The following GRM7 variants were observed in gnomAD, a reference collection of about 807,000 sequenced individuals.
GRM7 encodes the protein glutamate metabotropic receptor 7, also known as metabotropic glutamate receptor 7.
In GRM7, 35 loss-of-function variants were observed where a neutral mutation model predicts 84.5. That is an observed-to-expected ratio of 0.41 (90% CI 0.32 to 0.55). The LOEUF (loss-of-function observed/expected upper bound fraction) is 0.55. Among genes scored for constraint, GRM7 ranks in the 20% least tolerant of loss-of-function variants. The pLI is 0.19. For missense variants in GRM7, 1,003 were observed against 1,194.6 expected (o/e 0.84, Z 2.36); for synonymous variants, 487 against 455.1 (o/e 1.07, Z -0.89).
At chr3:7,403,753 A>G (rs1277350668) in intron 4 of GRM7, among the ~76,000 whole-genome samples, 3 of 150,634 alleles carry the variant, frequency 2.0e-5, no homozygotes, top group African/African-American at 7.3e-5. Context: ...ATGTGAATAT[A>G]TTTGTATATA....
intron 9 of GRM7, among the ~76,000 whole-genome samples, chr3:7,722,152 C>T (rs1701972285): frequency 6.6e-6 from 1 of 152,164 alleles, no homozygotes; most frequent in Non-Finnish European, 1.5e-5. Flanking sequence ...GGAAGGACCC[C>T]TTTCTGTCGA....
At chr3:7,467,500 C>A (rs189570990) in intron 7 of GRM7, among the ~76,000 whole-genome samples, 1 of 152,086 alleles carries the variant, frequency 6.6e-6, no homozygotes, top group Non-Finnish European at 1.5e-5. Flanking sequence ...GATGGGTACC[C>A]GTACTACGTC....
At chr3:7,721,978 T>C (rs329036) in intron 9 of GRM7, among the ~76,000 whole-genome samples, 108,888 of 152,132 alleles carry the variant, frequency 0.72, 39,738 homozygotes, top group East Asian at 0.89. Context: ...AGTGGAAATA[T>C]GTTGACAAAC....
At chr3:7,415,277 T>C in intron 5 of GRM7, 114 bp downstream of exon 5, 1 of 852,564 alleles carries the variant, frequency 1.2e-6, no homozygotes, top group Non-Finnish European at 1.9e-6. Context: ...GTAAATTAAA[T>C]TTTACTAGAT....
chr3:7,127,873 C>G (rs932364525), intron 1 of GRM7, among the ~76,000 whole-genome samples: 1 of 151,838 alleles, frequency 6.6e-6, no homozygotes, highest in Admixed American at 6.6e-5. Flanking sequence ...GATGTGAAGT[C>G]AAAGCTTTTT....
At chr3:7,460,309 C>T (rs923984064) in intron 6 of GRM7, among the ~76,000 whole-genome samples, 3 of 152,072 alleles carry the variant, frequency 2.0e-5, no homozygotes, top group African/African-American at 7.2e-5. Flanking sequence ...TTCAGCTCCC[C>T]AGACAAATGT....
At chr3:7,425,742 A>G (rs987587575) in intron 5 of GRM7, among the ~76,000 whole-genome samples, 1 of 152,208 alleles carries the variant, frequency 6.6e-6, no homozygotes, top group Admixed American at 6.5e-5. Flanking sequence ...GTTTATAATA[A>G]ATAGTTACAT....
At chr3:7,159,661 C>A (rs943003884) in intron 2 of GRM7, among the ~76,000 whole-genome samples, 2 of 152,104 alleles carry the variant, frequency 1.3e-5, no homozygotes, top group African/African-American at 2.4e-5. Context: ...GCCAGATATA[C>A]CTAGGTTTAA....
At chr3:7,700,813 C>T (rs983613004) in intron 9 of GRM7, among the ~76,000 whole-genome samples, 1 of 152,178 alleles carries the variant, frequency 6.6e-6, no homozygotes, top group African/African-American at 2.4e-5. Context: ...ATTTTAAGGA[C>T]AGCCAGCAGC....
At chr3:7,061,378 A>T (rs1304340263) in intron 1 of GRM7, among the ~76,000 whole-genome samples, 1 of 151,788 alleles carries the variant, frequency 6.6e-6, no homozygotes. Flanking sequence ...CATAGAAAAC[A>T]TATGAGGTAG....
At chr3:7,437,291 ATTTTTAAAAATG>A (rs1419512237) in intron 5 of GRM7, among the ~76,000 whole-genome samples, 1 of 152,140 alleles carries the variant, frequency 6.6e-6, no homozygotes, top group Non-Finnish European at 1.5e-5. Context: ...CTCTTAGTAG[ATTTTTAAAAATG>A]TTTTTGCACC....
intron 2 of GRM7, among the ~76,000 whole-genome samples, chr3:7,195,552 A>G (rs1276174743): frequency 6.6e-6 from 1 of 152,182 alleles, no homozygotes; most frequent in African/African-American, 2.4e-5. Context: ...TGTAGTTGGT[A>G]TGCTGGGAGC....
chr3:7,455,229 AAAGTT>A (rs1273952281), intron 6 of GRM7, among the ~76,000 whole-genome samples: 4 of 152,186 alleles, frequency 2.6e-5, no homozygotes, highest in African/African-American at 9.6e-5. Flanking sequence ...ATGATGGAAT[AAAGTT>A]AAGATGGAAA....
chr3:7,165,047 A>G (rs1009992547), intron 2 of GRM7, among the ~76,000 whole-genome samples: 2 of 152,242 alleles, frequency 1.3e-5, no homozygotes, highest in African/African-American at 4.8e-5. Context: ...GAAGAATGCT[A>G]TGAGATGTGG....
chr3:7,069,400 G>A (rs1358708912), intron 1 of GRM7, among the ~76,000 whole-genome samples: 2 of 152,078 alleles, frequency 1.3e-5, no homozygotes, highest in East Asian at 3.9e-4. Context: ...CAAATACTCC[G>A]TCCTTTCTTC....
chr3:7,061,723 A>G (rs1559413586), intron 1 of GRM7, among the ~76,000 whole-genome samples: 1 of 151,744 alleles, frequency 6.6e-6, no homozygotes, highest in Non-Finnish European at 1.5e-5. Context: ...ACAGAAGCTT[A>G]CATGTCGAGT....
At chr3:7,201,971 A>G (rs1397921626) in intron 2 of GRM7, among the ~76,000 whole-genome samples, 1 of 152,264 alleles carries the variant, frequency 6.6e-6, no homozygotes, top group Middle Eastern at 3.4e-3. Flanking sequence ...CGTTTTTGCT[A>G]TCTGTTTAGT....
intron 5 of GRM7, among the ~76,000 whole-genome samples, chr3:7,420,185 T>C (rs1696337939): frequency 1.3e-5 from 2 of 152,198 alleles, no homozygotes; most frequent in South Asian, 2.1e-4. Context: ...AGAGCCTATA[T>C]AATTCGTTAA....
intron 1 of GRM7, among the ~76,000 whole-genome samples, chr3:6,891,290 T>G (rs907579956): frequency 1.3e-5 from 2 of 152,198 alleles, no homozygotes; most frequent in Non-Finnish European, 2.9e-5. Context: ...ATTAGCTGGT[T>G]ATTTTGCTCA....
Sources: allele counts gnomAD v4.1 joint callset (sites outside exome capture counted in the v4.1 genomes callset), GRCh38; gene constraint gnomAD v4.1.1; transcripts MANE v1.5; gene names NCBI Gene and HGNC (gene_info 2026-07-23, HGNC 2026-07-21).